The following NMUR1 variants were observed in gnomAD, a reference collection of about 807,000 sequenced individuals.
The protein encoded by NMUR1 is neuromedin U receptor 1, also known as neuromedin-U receptor 1.
Under a neutral mutation model 18.8 loss-of-function variants are expected in NMUR1, and 16 were observed. The ratio of observed to expected loss-of-function variants is 0.85; its 90% CI spans 0.58 to 1.29. The LOEUF (loss-of-function observed/expected upper bound fraction) is 1.29. Among genes scored for constraint, NMUR1 ranks in the 50% most tolerant of loss-of-function variants. NMUR1 has a pLI of 0.00. For synonymous variants in NMUR1, 258 were observed against 258.2 expected, an observed-to-expected ratio of 1.00 and a Z score of 0.01; for missense variants, 529 against 580.3, an observed-to-expected ratio of 0.91 and a Z score of 0.91.
At chr2:231,530,258 G>T in intron 1 of NMUR1, 101 bp downstream of exon 1, 1 of 1,362,996 alleles carries the variant, frequency 7.3e-7, no homozygotes. Context: ...GGGGCACCCC[G>T]ACGGAGCCCT....
downstream of NMUR1, among the ~76,000 whole-genome samples, chr2:231,520,856 A>G (rs1351797751): frequency 6.6e-6 from 1 of 152,238 alleles, no homozygotes; most frequent in Non-Finnish European, 1.5e-5. Context: ...AAGGGTAGGC[A>G]TATGCAGCTT....
chr2:231,528,972 G>A lies in NMUR1; in HGVS notation c.49C>T (p.Pro17Ser). 1 of 1,613,764 alleles carries A rather than the reference G, an allele frequency of 6.2e-7. No individual in the cohort carries two copies. The highest frequency in any genetic ancestry group is 8.5e-7 in the Non-Finnish European group (1 of 1,179,864). Residue 17 changes from proline to serine, a missense_variant, in exon 2 of 3, where the codon CCA becomes TCA. Pro to Ser is a moderately conservative substitution (Grantham distance 74, BLOSUM62 -1). Transcript: ENST00000305141. Reference sequence around the variant, plus strand: ...GCCATGGGGTTCCTTGCACCCCCTGGGTACAGGTCTCCAGGGAGGACAGAG... The same window carrying A: ...GCCATGGGGTTCCTTGCACCCCCTGAGTACAGGTCTCCAGGGAGGACAGAG... ...NCSVLPGDLY[P>S]GGARNPMACN...
rs766141642 is a variant in NMUR1, at chr2:231,528,912, G to A, written c.109C>T (p.Pro37Ser). Residue 37 changes from proline to serine, a missense_variant, in exon 2 of 3, where the codon CCT becomes TCT. Pro to Ser is a moderately conservative substitution (Grantham distance 74). Coordinates refer to ENST00000305141, the MANE Select transcript of NMUR1 (RefSeq NM_006056.5). ...TCGTCAGTCAGGTTCAAGTCCTCAG[G>A]GTCAAAGTGCCCCCTGGCCGCACTG... ...NGSAARGHFD[P>S]EDLNLTDEAL... 1.2e-6 allele frequency: 2 copies of A among 1,614,148 alleles called. No individual in the cohort carries two copies. Among genetic ancestry groups the A allele is most frequent in the Non-Finnish European group, 1.7e-6 (2 of 1,180,012 alleles).
At chr2:231,526,882 G>T (rs1463530812) in intron 2 of NMUR1, among the ~76,000 whole-genome samples, 4 of 152,132 alleles carry the variant, frequency 2.6e-5, no homozygotes, top group African/African-American at 7.2e-5. Context: ...TTTTGAAAAA[G>T]AGCCAGGTCC....
chr2:231,518,541 C>G (rs1395148826), downstream of NMUR1, among the ~76,000 whole-genome samples: 1 of 152,140 alleles, frequency 6.6e-6, no homozygotes, highest in Non-Finnish European at 1.5e-5. Flanking sequence ...GGGTAATATG[C>G]AGGAAAATGA....
At position 231,528,819 on chromosome 2, in the gene NMUR1, G is replaced by C. The variant is rs1250309561; in HGVS notation, c.202C>G (p.Leu68Val). The C allele has an allele frequency of 6.2e-7, 1 of 1,614,256 alleles. No individual in the cohort carries two copies. The highest frequency in any genetic ancestry group is 1.7e-5 in the Admixed American group (1 of 60,034). ...ACAGCGCCCACCACGAAGATCAGCA[G>C]GTATGTGGCACAGATGGGCATGAAC... The part of the protein sequence containing the change: ...ELFMPICATY[L>V]LIFVVGAVGN... Residue 68 changes from leucine to valine, a missense_variant, in exon 2 of 3, where the codon CTG (leucine) becomes GTG (valine). By Grantham distance (32) the Leu-to-Val change is conservative (BLOSUM62 1). Coordinates refer to ENST00000305141, the MANE Select transcript of NMUR1 (RefSeq NM_006056.5).
At chr2:231,518,697 A>G (rs1033120163), downstream of NMUR1, among the ~76,000 whole-genome samples, 8 of 152,222 alleles carry the variant, frequency 5.3e-5, no homozygotes, top group Admixed American at 2.6e-4. Context: ...AAAGGAGGTG[A>G]GACGAACAGG....
rs1355023990 is a variant in NMUR1, at chr2:231,524,709, C to G, written c.*334G>C. 3.7e-6 allele frequency: 1 copy of G among 267,988 alleles called. No individual in the cohort carries two copies. The highest frequency in any genetic ancestry group is 9.5e-5 in the South Asian group (1 of 10,564). 16.6% of individuals were successfully genotyped at this position (267,988 alleles called of 1,614,324 possible). On this transcript the variant is annotated 3_prime_UTR_variant, in exon 3 of 3. Transcript: ENST00000305141. ...CAGTGAGGACCCAGTGGGACCGTTT[C>G]AGAAACTGGCAGTGGTGGCAGGGAG... is the stretch of plus-strand genomic sequence containing the variant.
chr2:231,529,151 C>T lies in NMUR1; in HGVS notation c.4-134G>A, dbSNP rs760004821. The T allele has an allele frequency of 6.2e-5, 54 of 866,644 alleles. No individual in the cohort carries two copies. The Middle Eastern group carries it at 1.1e-3, about 17-fold the overall frequency. The allele number at this position is 866,644 out of a possible 1,614,324, so 53.7% of individuals were successfully genotyped here. A position where few individuals can be genotyped will look rare whatever the true frequency, so the allele number is the denominator to read the frequency against. On this transcript the variant is annotated intron_variant, in intron 1 of 2. Coordinates refer to ENST00000305141, the MANE Select transcript of NMUR1 (RefSeq NM_006056.5). Reference sequence around the variant, plus strand: ...AGGCACCACTGAGAAAGAAAAAACTCTTCCATCCACAAGTCAGAGATGTAA... The same window carrying T: ...AGGCACCACTGAGAAAGAAAAAACTTTTCCATCCACAAGTCAGAGATGTAA...
downstream of NMUR1, among the ~76,000 whole-genome samples, chr2:231,522,672 T>G (rs1045924075): frequency 1.4e-5 from 2 of 143,954 alleles, no homozygotes; most frequent in Non-Finnish European, 3.0e-5. Flanking sequence ...TGACTGTGCA[T>G]TCAAGTCAGG....
intron 2 of NMUR1, among the ~76,000 whole-genome samples, chr2:231,526,369 C>T (rs935899501): frequency 2.6e-5 from 4 of 151,744 alleles, no homozygotes; most frequent in African/African-American, 9.7e-5. Flanking sequence ...GCCTGGTGCA[C>T]AGAGGGCCAG....
At position 231,528,285 on chromosome 2, in the gene NMUR1, T is replaced by C. The variant is rs1346530776; in HGVS notation, c.736A>G (p.Ile246Val). 5.6e-6 allele frequency: 9 copies of C among 1,613,816 alleles called. No individual in the cohort carries two copies. The East Asian group carries it at 2.0e-4, about 36-fold the overall frequency. ...ALLFFCLPMA[I>V]MSVLYLLIGL... Reference sequence around the variant, plus strand: ...ATGAGCAGGTAGAGCACGCTCATGATGGCCATGGGCAGGCAGAAGAAGAGC... The same window carrying C: ...ATGAGCAGGTAGAGCACGCTCATGACGGCCATGGGCAGGCAGAAGAAGAGC... Residue 246 changes from isoleucine to valine, a missense_variant, in exon 2 of 3, where the codon ATC (isoleucine) becomes GTC (valine). Physicochemically the swap from Ile to Val is conservative, Grantham distance 29. Transcript: ENST00000305141.
rs777251675 is a variant in NMUR1, at chr2:231,525,415, G to A, written c.909C>T (p.Val303=). 11 of 1,610,178 alleles carry A rather than the reference G, an allele frequency of 6.8e-6. 1 individual carries two copies. Among genetic ancestry groups the A allele is most frequent in the Non-Finnish European group, 8.5e-6 (10 of 1,177,736 alleles). The stretch of plus-strand genomic sequence containing the variant: ...GGGCCCAGCAGATGCCAAACACCAC[G>A]ACCAGGACAACTGCAGGGACAGAGA... The part of the protein sequence containing the change: ...RQVTKMLFVL[V]VVFGICWAPF... Residue 303 remains valine, a synonymous_variant, in exon 3 of 3, where the codon GTC becomes GTT. Transcript: ENST00000305141.
intron 2 of NMUR1, among the ~76,000 whole-genome samples, chr2:231,526,674 G>A (rs943929669): frequency 6.6e-6 from 1 of 152,170 alleles, no homozygotes; most frequent in Non-Finnish European, 1.5e-5. Flanking sequence ...TGAGAGGAGC[G>A]AGTCACTCTG....
Position 231,528,109 on chromosome 2 carries a change from G to A in NMUR1, c.898+14C>T. 1 of 1,528,722 alleles carries A rather than the reference G, an allele frequency of 6.5e-7. No individual in the cohort carries two copies. The highest frequency in any genetic ancestry group is 1.4e-5 in the African/African-American group (1 of 72,632). 94.7% of individuals were successfully genotyped at this position (1,528,722 alleles called of 1,614,324 possible). ...GTGCCTGGCTCAGCCCCTCTTCCCAGCCGTGACACTTACACAGCATCTTGG... is the reference window on the plus strand; with the variant it reads ...GTGCCTGGCTCAGCCCCTCTTCCCAACCGTGACACTTACACAGCATCTTGG... On this transcript the variant is annotated intron_variant, in intron 2 of 2. Coordinates refer to ENST00000305141, the MANE Select transcript of NMUR1 (RefSeq NM_006056.5).
At position 231,528,912 on chromosome 2, in the gene NMUR1, G is replaced by T. The variant is rs766141642; in HGVS notation, c.109C>A (p.Pro37Thr). Residue 37 changes from proline (P) to threonine (T), a missense_variant, in exon 2 of 3, where the codon CCT becomes ACT. Coordinates refer to ENST00000305141, the MANE Select transcript of NMUR1 (RefSeq NM_006056.5). ...TCGTCAGTCAGGTTCAAGTCCTCAGGGTCAAAGTGCCCCCTGGCCGCACTG... is the reference window on the plus strand; with the variant it reads ...TCGTCAGTCAGGTTCAAGTCCTCAGTGTCAAAGTGCCCCCTGGCCGCACTG... ...NGSAARGHFD[P>T]EDLNLTDEAL... 1.2e-5 allele frequency: 19 copies of T among 1,614,030 alleles called. No individual in the cohort carries two copies. In the Admixed American group the frequency reaches 2.0e-4, roughly 17 times the overall value.
intron 2 of NMUR1, among the ~76,000 whole-genome samples, chr2:231,526,576 A>C (rs1459053623): frequency 6.6e-6 from 1 of 152,226 alleles, no homozygotes; most frequent in East Asian, 1.9e-4. Flanking sequence ...TTCACCGTGC[A>C]GAGCTGGGAG....
chr2:231,521,962 TTTTTTTTTCTC>T (rs1378243914), downstream of NMUR1, among the ~76,000 whole-genome samples: 51 of 95,646 alleles, frequency 5.3e-4, no homozygotes, highest in African/African-American at 1.8e-3. Flanking sequence ...GGCACCCTTC[TTTTTTTTTCTC>T]TTTTTTTTTT....
downstream of NMUR1, among the ~76,000 whole-genome samples, chr2:231,521,867 T>C (rs1219123554): frequency 6.6e-6 from 1 of 152,070 alleles, no homozygotes; most frequent in Non-Finnish European, 1.5e-5. Context: ...AGTTCAGATC[T>C]GCTATTCCCG....
Sources: gnomAD v4.1 joint callset for allele counts (sites outside exome capture counted in the v4.1 genomes callset) on GRCh38, gnomAD v4.1.1 for gene constraint, MANE v1.5 for transcripts, NCBI Gene and HGNC (gene_info 2026-07-23, HGNC 2026-07-21) for gene names.